The following XYLT1 variants were observed in gnomAD, a reference collection of about 807,000 sequenced individuals.
XYLT1 encodes beta-D-xylosyltransferase 1.
XYLT1 carries 36 observed loss-of-function variants against 91.3 expected under a neutral mutation model. The observed-to-expected ratio is 0.39, with a 90% CI of 0.30 to 0.52. The LOEUF is 0.52. Ranked by LOEUF, XYLT1 falls within the 20% of genes least tolerant of loss-of-function variation. The probability of loss-of-function intolerance (pLI) is 0.68; values close to 1 mark genes in which losing one functional copy is unlikely to be tolerated. For missense variants in XYLT1, 1,242 were observed against 1,284.5 expected (o/e 0.97, Z 0.51); for synonymous variants, 588 against 532.0 (o/e 1.11, Z -1.45).
chr16:17,442,962 A>G (rs1460690420), intron 1 of XYLT1, among the ~76,000 whole-genome samples: 2 of 152,184 alleles, frequency 1.3e-5, no homozygotes, highest in Admixed American at 1.3e-4. Flanking sequence ...AAGATGATAC[A>G]AATTATTGAT....
chr16:17,456,306 C>T (rs1414058834), intron 1 of XYLT1, among the ~76,000 whole-genome samples: 3 of 143,350 alleles, frequency 2.1e-5, no homozygotes, highest in Non-Finnish European at 4.5e-5. Context: ...GTGGTACCAT[C>T]TTTGCAGCAG....
At chr16:17,361,075 C>G (rs2035375328) in intron 1 of XYLT1, among the ~76,000 whole-genome samples, 1 of 152,190 alleles carries the variant, frequency 6.6e-6, no homozygotes, top group Admixed American at 6.5e-5. Context: ...CTCGACAGTT[C>G]TTTACTGTGT....
intron 2 of XYLT1, among the ~76,000 whole-genome samples, chr16:17,344,327 CAAAAAAAA>C (rs1167697825): frequency 9.5e-6 from 1 of 105,156 alleles, no homozygotes; most frequent in East Asian, 2.8e-4. Context: ...CTAAAAAATA[CAAAAAAAA>C]AAAAAAAATT....
At chr16:17,130,587 ACT>A (rs2030432070) in intron 9 of XYLT1, among the ~76,000 whole-genome samples, 4 of 151,926 alleles carry the variant, frequency 2.6e-5, no homozygotes, top group Admixed American at 2.0e-4. Flanking sequence ...GTTCTCCCTG[ACT>A]CAGCCTCCCG....
intron 2 of XYLT1, among the ~76,000 whole-genome samples, chr16:17,356,471 C>A (rs886850382): frequency 2.6e-5 from 4 of 152,088 alleles, no homozygotes; most frequent in African/African-American, 9.7e-5. Flanking sequence ...CCAGAGAATG[C>A]AAGGACAGAA....
rs1163380589 is a variant in XYLT1, at chr16:17,283,246, C to T, written c.403-23748G>A. Among the ~76,000 whole-genome samples the T allele has an allele frequency of 2.0e-5, 3 of 152,190 alleles. No individual in the cohort carries two copies. The East Asian group carries it at 5.8e-4, about 29-fold the overall frequency. ...AGGCAGCAGATGTTAATACAGTTTG[C>T]TTTTTCCATATGCTCTTCTGTTTAG... On this transcript the variant is annotated intron_variant, in intron 2 of 11. Coordinates refer to ENST00000261381, the MANE Select transcript of XYLT1 (RefSeq NM_022166.4).
intron 1 of XYLT1, among the ~76,000 whole-genome samples, chr16:17,464,562 T>G (rs1022488531): frequency 1.3e-5 from 2 of 151,472 alleles, no homozygotes; most frequent in African/African-American, 4.9e-5. Context: ...AAGATAAATG[T>G]TGGCGGTAAT....
intron 1 of XYLT1, among the ~76,000 whole-genome samples, chr16:17,392,116 T>C (rs2035827268): frequency 6.6e-6 from 1 of 152,210 alleles, no homozygotes; most frequent in Non-Finnish European, 1.5e-5. Context: ...AAATCCTACA[T>C]GACTTCCCCA....
chr16:17,423,777 A>G (rs2141924729), intron 1 of XYLT1, among the ~76,000 whole-genome samples: 1 of 152,046 alleles, frequency 6.6e-6, no homozygotes, highest in South Asian at 2.1e-4. Context: ...CACCATGCCC[A>G]GCTAATTTTT....
At chr16:17,257,213 G>A (rs926407903) in intron 3 of XYLT1, among the ~76,000 whole-genome samples, 1 of 152,208 alleles carries the variant, frequency 6.6e-6, no homozygotes, top group Non-Finnish European at 1.5e-5. Context: ...CAGGAGTAAA[G>A]AGTGAAGTAG....
intron 8 of XYLT1, among the ~76,000 whole-genome samples, chr16:17,135,299 C>A (rs1336062787): frequency 6.6e-6 from 1 of 152,154 alleles, no homozygotes; most frequent in Non-Finnish European, 1.5e-5. Context: ...CTCCACCATG[C>A]CCTATTGCCT....
chr16:17,180,648 C>A (rs183111076), intron 5 of XYLT1, among the ~76,000 whole-genome samples: 1 of 152,290 alleles, frequency 6.6e-6, no homozygotes, highest in Non-Finnish European at 1.5e-5. Context: ...CCCCTTCACC[C>A]CCTACCATGG....
intron 1 of XYLT1, among the ~76,000 whole-genome samples, chr16:17,382,643 G>T (rs62030319): frequency 6.6e-6 from 1 of 151,796 alleles, no homozygotes; most frequent in Non-Finnish European, 1.5e-5. Context: ...TGGCCCTACA[G>T]AGGAGCCAGT....
At chr16:17,398,834 T>TTTCTG (rs113284335) in intron 1 of XYLT1, among the ~76,000 whole-genome samples, 3 of 98,224 alleles carry the variant, frequency 3.1e-5, no homozygotes, top group African/African-American at 4.4e-5. Context: ...CCCCACTGTT[T>TTTCTG]TTTTGTTTTG....
intron 6 of XYLT1, among the ~76,000 whole-genome samples, chr16:17,156,993 G>A (rs751891535): frequency 4.0e-5 from 6 of 151,316 alleles, no homozygotes; most frequent in Non-Finnish European, 5.9e-5. Flanking sequence ...TGTCACCCAG[G>A]CTGGAGTGCA....
intron 7 of XYLT1, among the ~76,000 whole-genome samples, chr16:17,140,397 A>G (rs879787643): frequency 3.3e-5 from 5 of 152,150 alleles, no homozygotes; most frequent in Admixed American, 3.3e-4. Flanking sequence ...ATGGTGGCTC[A>G]TGCCTGCAAT....
chr16:17,164,323 G>A (rs1422186221), intron 5 of XYLT1, among the ~76,000 whole-genome samples: 1 of 147,478 alleles, frequency 6.8e-6, no homozygotes. Context: ...ACAGAGTCTT[G>A]CCATCTTAAC....
intron 2 of XYLT1, among the ~76,000 whole-genome samples, chr16:17,300,140 G>C (rs2034372067): frequency 1.3e-5 from 2 of 152,196 alleles, no homozygotes; most frequent in African/African-American, 2.4e-5. Context: ...TGGCTTAGCT[G>C]TTAAGAACAT....
chr16:17,244,013 G>A (rs1429970514), intron 3 of XYLT1, among the ~76,000 whole-genome samples: 4 of 152,112 alleles, frequency 2.6e-5, no homozygotes, highest in Admixed American at 6.6e-5. Context: ...TCGTGTCTAC[G>A]CTTTAGATGC....
Sources: allele counts gnomAD v4.1 joint callset (sites outside exome capture counted in the v4.1 genomes callset), GRCh38; gene constraint gnomAD v4.1.1; transcripts MANE v1.5; gene names NCBI Gene and HGNC (gene_info 2026-07-23, HGNC 2026-07-21).